The following ARL15 variants were observed in gnomAD, a reference collection of about 807,000 sequenced individuals.
The protein encoded by ARL15 is ARF like GTPase 15.
In ARL15, 19 loss-of-function variants were observed where a neutral mutation model predicts 25.2. That is an observed-to-expected ratio of 0.75 (90% CI 0.53 to 1.10). The LOEUF (loss-of-function observed/expected upper bound fraction) is 1.10, where lower values mean the gene tolerates loss of function less well. Ranked by LOEUF, ARL15 falls within the 50% of genes least tolerant of loss-of-function variation. ARL15 has a pLI of 0.00. For synonymous variants in ARL15, 94 were observed against 86.8 expected, an observed-to-expected ratio of 1.08 and a Z score of -0.46; for missense variants, 220 against 246.0, an observed-to-expected ratio of 0.89 and a Z score of 0.71.
At chr5:54,186,472 T>G (rs1030786222) in intron 1 of ARL15, among the ~76,000 whole-genome samples, 3 of 152,202 alleles carry the variant, frequency 2.0e-5, no homozygotes, top group Non-Finnish European at 4.4e-5. Context: ...TGTGCTTTAT[T>G]AAAGAGGCAC....
chr5:53,931,191 G>A (rs962666446), intron 4 of ARL15, among the ~76,000 whole-genome samples: 4 of 151,978 alleles, frequency 2.6e-5, no homozygotes, highest in African/African-American at 9.7e-5. Context: ...ATGAAAAAAC[G>A]CAGGGAAAAA....
At chr5:54,293,409 T>C (rs1027879120) in intron 1 of ARL15, among the ~76,000 whole-genome samples, 1 of 152,118 alleles carries the variant, frequency 6.6e-6, no homozygotes, top group African/African-American at 2.4e-5. Flanking sequence ...TCAAATATAG[T>C]AAAATATCAC....
intron 1 of ARL15, among the ~76,000 whole-genome samples, chr5:54,197,192 C>T (rs1194289199): frequency 6.6e-6 from 1 of 151,932 alleles, no homozygotes; most frequent in Non-Finnish European, 1.5e-5. Context: ...ATTGTTTGAA[C>T]ATCTTTCAGC....
intron 4 of ARL15, among the ~76,000 whole-genome samples, chr5:53,977,301 G>A (rs1039538101): frequency 6.1e-5 from 9 of 146,750 alleles, no homozygotes; most frequent in Non-Finnish European, 1.2e-4. Context: ...GCTTGCGTGA[G>A]CCGAGATCGC....
intron 1 of ARL15, among the ~76,000 whole-genome samples, chr5:54,273,400 C>G (rs567601994): frequency 6.6e-6 from 1 of 152,258 alleles, no homozygotes; most frequent in South Asian, 2.1e-4. Context: ...TTAATCTTAA[C>G]CTAATCACGA....
At chr5:54,264,637 T>G (rs1757577698) in intron 1 of ARL15, among the ~76,000 whole-genome samples, 1 of 152,094 alleles carries the variant, frequency 6.6e-6, no homozygotes, top group African/African-American at 2.4e-5. Context: ...AGCCATTGGC[T>G]CCTAAAAATT....
At chr5:54,273,095 A>G (rs1019970922) in intron 1 of ARL15, among the ~76,000 whole-genome samples, 1 of 152,210 alleles carries the variant, frequency 6.6e-6, no homozygotes, top group Non-Finnish European at 1.5e-5. Flanking sequence ...AAAACATTCC[A>G]AAGTTCAGCA....
rs151221166 is a variant in ARL15 at position 54,281,572 on chromosome 5, A to G, written c.48+28860T>C. On this transcript the variant is annotated intron_variant, in intron 1 of 4. Coordinates refer to ENST00000504924, the MANE Select transcript of ARL15 (RefSeq NM_019087.3). ...ACCCCTGGCCTCAACCCATAAGATG[A>G]CAGTAGCATATCACCACCATCACCA... Among the ~76,000 whole-genome samples, 1,426 of 152,342 alleles carry G rather than the reference A, an allele frequency of 9.4e-3. 25 individuals are homozygous for G. The highest frequency in any genetic ancestry group is 0.033 in the African/African-American group (1,354 of 41,580).
In ARL15 at chr5:54,310,539, G is replaced by T. The variant is rs939982737; in HGVS notation, c.-60C>A. ...CCGGAAAAAAAAAGCAGCGTCTCTG[G>T]CTGCGAGCGAGCAGCTCCTGAAAAA... On this transcript the variant is annotated 5_prime_UTR_variant, in exon 1 of 5. Coordinates refer to ENST00000504924, the MANE Select transcript of ARL15 (RefSeq NM_019087.3). 1.2e-5 allele frequency: 19 copies of T among 1,542,210 alleles called. No individual in the cohort carries two copies. In the East Asian group the frequency reaches 4.3e-4, roughly 35 times the overall value.
chr5:54,223,055 C>T (rs1003901484), intron 1 of ARL15, among the ~76,000 whole-genome samples: 1 of 149,582 alleles, frequency 6.7e-6, no homozygotes, highest in Non-Finnish European at 1.5e-5. Context: ...AACTCCTGAC[C>T]TCATGATCCG....
At chr5:54,278,943 A>G (rs1757986948) in intron 1 of ARL15, among the ~76,000 whole-genome samples, 1 of 152,192 alleles carries the variant, frequency 6.6e-6, no homozygotes, top group Non-Finnish European at 1.5e-5. Context: ...TCTGTCCTAT[A>G]TATGTTCCAA....
intron 4 of ARL15, among the ~76,000 whole-genome samples, chr5:54,027,694 T>C (rs1749822388): frequency 6.6e-6 from 1 of 152,140 alleles, no homozygotes; most frequent in Non-Finnish European, 1.5e-5. Context: ...AACCTGGCCA[T>C]CTGCAGCACA....
chr5:53,982,616 T>C (rs1333692690), intron 4 of ARL15, among the ~76,000 whole-genome samples: 1 of 152,220 alleles, frequency 6.6e-6, no homozygotes, highest in Non-Finnish European at 1.5e-5. Flanking sequence ...TCCAAGTCTT[T>C]GCTATTGTGA....
intron 2 of ARL15, among the ~76,000 whole-genome samples, chr5:54,162,018 C>CAGAGAGAGAT (rs1754418959): frequency 7.0e-6 from 1 of 142,566 alleles, no homozygotes; most frequent in Non-Finnish European, 1.5e-5. Context: ...CACACACACA[C>CAGAGAGAGAT]ACACACAGAG....
At chr5:54,042,698 G>A (rs1750379391) in intron 4 of ARL15, among the ~76,000 whole-genome samples, 1 of 152,138 alleles carries the variant, frequency 6.6e-6, no homozygotes, top group Admixed American at 6.5e-5. Context: ...GTCGTCATAG[G>A]ACAAAGCCCA....
intron 4 of ARL15, among the ~76,000 whole-genome samples, chr5:53,945,514 C>T (rs932241649): frequency 1.3e-5 from 2 of 151,566 alleles, no homozygotes; most frequent in African/African-American, 2.4e-5. Flanking sequence ...ACCTCCAACT[C>T]AGGCATTCTC....
chr5:54,131,887 A>G (rs1753449813), intron 3 of ARL15, among the ~76,000 whole-genome samples: 1 of 151,526 alleles, frequency 6.6e-6, no homozygotes, highest in Non-Finnish European at 1.5e-5. Flanking sequence ...TGGGCCACAG[A>G]GCAAGACTCC....
chr5:54,225,775 G>A (rs537214193), intron 1 of ARL15, among the ~76,000 whole-genome samples: 1 of 152,238 alleles, frequency 6.6e-6, no homozygotes, highest in East Asian at 1.9e-4. Context: ...CCATCGCATC[G>A]GGAAGCAAGT....
At chr5:54,120,896 C>T (rs1753053215) in intron 3 of ARL15, among the ~76,000 whole-genome samples, 1 of 152,178 alleles carries the variant, frequency 6.6e-6, no homozygotes, top group Admixed American at 6.5e-5. Flanking sequence ...GGAAATGCTA[C>T]TGCTTTCTAG....
Sources: gnomAD v4.1 joint callset for allele counts (sites outside exome capture counted in the v4.1 genomes callset) on GRCh38, gnomAD v4.1.1 for gene constraint, MANE v1.5 for transcripts, NCBI Gene and HGNC (gene_info 2026-07-23, HGNC 2026-07-21) for gene names.